Variants in SUGP2 observed in about 807,000 individuals in gnomAD.
SUGP2 encodes the protein SURP and G-patch domain containing 2.
Under a neutral mutation model 90.5 loss-of-function variants are expected in SUGP2, and 24 were observed. That is an observed-to-expected ratio of 0.27 (90% CI 0.19 to 0.37). The LOEUF (loss-of-function observed/expected upper bound fraction) is 0.37, where lower values mean the gene tolerates loss of function less well. Among genes scored for constraint, SUGP2 ranks in the 10% least tolerant of loss-of-function variants. The pLI, the probability that SUGP2 is intolerant of heterozygous loss-of-function variation, is 1.00. For missense variants in SUGP2, 1,233 were observed against 1,363.3 expected (o/e 0.90, Z 1.51); for synonymous variants, 473 against 513.4 (o/e 0.92, Z 1.06).
chr19:19,000,696 C>T (rs2057795453), intron 8 of SUGP2, among the ~76,000 whole-genome samples: 1 of 151,574 alleles, frequency 6.6e-6, no homozygotes. Flanking sequence ...ATCAGTGCAC[C>T]TGGATAACTT....
chr19:18,994,166 C>A, intron 10 of SUGP2, 200 bp downstream of exon 10: 1 of 704,100 alleles, frequency 1.4e-6, no homozygotes, highest in Non-Finnish European at 2.3e-6. Flanking sequence ...GAGGTTTGCT[C>A]CTTCAGCAAA....
chr19:19,031,678 G>C (rs1472956088), intron 1 of SUGP2, among the ~76,000 whole-genome samples: 1 of 152,112 alleles, frequency 6.6e-6, no homozygotes, highest in Admixed American at 6.6e-5. Flanking sequence ...CCTCCAGACT[G>C]GGGGACAGAG....
upstream of SUGP2, chr19:19,033,739 C>T (rs980875673): frequency 3.1e-5 from 8 of 260,738 alleles, no homozygotes; most frequent in African/African-American, 9.0e-5. Flanking sequence ...CCGTCGCGCA[C>T]GAGGTGGCCT....
chr19:19,025,928 G>C lies in SUGP2; in HGVS notation c.420C>G (p.Leu140=), dbSNP rs376002753. 1.6e-5 allele frequency: 26 copies of C among 1,614,046 alleles called. No individual in the cohort carries two copies. In the African/African-American group the frequency reaches 2.9e-4, roughly 18 times the overall value. Reference sequence around the variant, plus strand: ...CAAAGTCTTGTTCCCAAGAACCACGGAGCGCAAATTTCCAGTCCTGAGAAC... The same window carrying C: ...CAAAGTCTTGTTCCCAAGAACCACGCAGCGCAAATTTCCAGTCCTGAGAAC... ...HFRSQDWKFA[L]RGSWEQDFGH... is the part of the protein sequence containing the mutation. Residue 140 remains leucine, a synonymous_variant, in exon 3 of 11, where the codon CTC becomes CTG. Transcript: ENST00000452918.
At chr19:19,026,316 A>G in intron 2 of SUGP2, 90 bp from the exon 3 acceptor site, 2 of 1,335,078 alleles carry the variant, frequency 1.5e-6, no homozygotes, top group Non-Finnish European at 2.0e-6. Context: ...CAGTCCACGG[A>G]TCACCAGGCA....
In SUGP2 at chr19:19,025,396, T is replaced by A. The variant is rs2058881828; in HGVS notation, c.952A>T (p.Ile318Phe). The change falls in exon 3 of 11, where the codon ATC becomes TTC. Residue 318 changes from isoleucine to phenylalanine, a missense_variant. By Grantham distance (21) the Ile-to-Phe change is conservative. Transcript: ENST00000452918. ...RLPRRKMSFDIIDKSDVFSRF... is the reference protein window; with the variant it reads ...RLPRRKMSFDFIDKSDVFSRF... ...GAAAAAACATCAGACTTATCTATGA[T>A]GTCAAAGCTCATCTTTCTTCTGGGG... The A allele has an allele frequency of 6.2e-7, 1 of 1,614,174 alleles. No homozygotes were observed. The highest frequency in any genetic ancestry group is 1.3e-5 in the African/African-American group (1 of 75,048).
At position 18,993,243 on chromosome 19, in the gene SUGP2, A is replaced by T. The variant is rs2057436082; in HGVS notation, c.*498T>A. 6.6e-6 allele frequency: 1 copy of T among 152,196 alleles called. No homozygotes were observed. The highest frequency in any genetic ancestry group is 2.4e-5 in the African/African-American group (1 of 41,454). The allele number at this position is 152,196 out of a possible 1,614,324, so 9.4% of individuals were successfully genotyped here. A position where few individuals can be genotyped will look rare whatever the true frequency, so the allele number is the denominator to read the frequency against. On this transcript the variant is annotated 3_prime_UTR_variant, in exon 11 of 11. Coordinates refer to ENST00000452918, the MANE Select transcript of SUGP2 (RefSeq NM_001017392.5). ...ATGGCAACTGTTCAGAGAGCTTCAG[A>T]GCTTTGGTACCCGAGTGCAGACTTG... is the stretch of plus-strand genomic sequence containing the variant.
At chr19:19,023,024 T>C (rs10418688) in intron 3 of SUGP2, among the ~76,000 whole-genome samples, 3,506 of 152,224 alleles carry the variant, frequency 0.023, 131 homozygotes, top group African/African-American at 0.08. Context: ...TCTGGGAGCT[T>C]AGGAGGAAGG....
At chr19:19,016,888 T>G (rs1013896888) in intron 4 of SUGP2, among the ~76,000 whole-genome samples, 2 of 152,210 alleles carry the variant, frequency 1.3e-5, no homozygotes, top group Non-Finnish European at 2.9e-5. Context: ...ATTTTTAACT[T>G]TTAAGTTACA....
intron 9 of SUGP2, 178 bp downstream of exon 9, chr19:18,994,966 C>T: frequency 1.4e-6 from 1 of 736,230 alleles, no homozygotes; most frequent in South Asian, 1.8e-5. Flanking sequence ...AGAAAGGAGC[C>T]CTGTAAACAC....
upstream of SUGP2, chr19:19,033,535 G>T: frequency 7.2e-7 from 1 of 1,388,082 alleles, no homozygotes; most frequent in Non-Finnish European, 9.4e-7. Flanking sequence ...TGAACCAACG[G>T]TCTCCGCAGC....
At chr19:18,999,253 G>A (rs1176778985) in intron 8 of SUGP2, among the ~76,000 whole-genome samples, 3 of 152,156 alleles carry the variant, frequency 2.0e-5, no homozygotes, top group African/African-American at 4.8e-5. Context: ...CAGCCACCAC[G>A]GCCTCCCTTC....
intron 4 of SUGP2, among the ~76,000 whole-genome samples, chr19:19,016,372 C>T (rs2058502437): frequency 3.9e-5 from 6 of 152,086 alleles, no homozygotes; most frequent in Non-Finnish European, 7.4e-5. Context: ...CTCTGGCTTC[C>T]GTCTGCTGCC....
At chr19:19,009,760 G>A in intron 5 of SUGP2, 95 bp downstream of exon 5, 1 of 1,460,460 alleles carries the variant, frequency 6.8e-7, no homozygotes, top group Non-Finnish European at 9.1e-7. Flanking sequence ...CCACTGCCTT[G>A]CCTAGATTGC....
intron 6 of SUGP2, among the ~76,000 whole-genome samples, chr19:19,006,779 G>A (rs1318231593): frequency 1.3e-5 from 2 of 152,260 alleles, no homozygotes; most frequent in East Asian, 3.9e-4. Context: ...TGTAAGCCTG[G>A]TCAGGCTTCC....
chr19:18,994,232 C>G, intron 10 of SUGP2, 134 bp downstream of exon 10: 1 of 1,260,912 alleles, frequency 7.9e-7, no homozygotes. Flanking sequence ...GTTTCCCTCA[C>G]AGAATTTTGT....
chr19:19,007,895 G>C (rs1469597228), intron 6 of SUGP2, among the ~76,000 whole-genome samples: 1 of 151,958 alleles, frequency 6.6e-6, no homozygotes, highest in Non-Finnish European at 1.5e-5. Flanking sequence ...AAGCAGCTGG[G>C]ATTACAGGTG....
upstream of SUGP2, chr19:19,033,788 C>G (rs1227080231): frequency 4.8e-5 from 12 of 247,990 alleles, no homozygotes; most frequent in Non-Finnish European, 7.7e-5. Flanking sequence ...CCTTGGTTAT[C>G]GTGAGCGTCC....
intron 4 of SUGP2, among the ~76,000 whole-genome samples, chr19:19,016,595 A>G (rs2058511120): frequency 6.6e-6 from 1 of 152,078 alleles, no homozygotes; most frequent in African/African-American, 2.4e-5. Flanking sequence ...ATCCTTCAAC[A>G]TGCACACTGG....
Sources: gnomAD v4.1 joint callset for allele counts (sites outside exome capture counted in the v4.1 genomes callset) on GRCh38, gnomAD v4.1.1 for gene constraint, MANE v1.5 for transcripts, NCBI Gene and HGNC (gene_info 2026-07-23, HGNC 2026-07-21) for gene names.